EDIL3: variants seen among roughly 807,000 people sequenced by gnomAD.
The protein encoded by EDIL3 is EGF-like repeat and discoidin I-like domain-containing protein 3.
A neutral mutation model predicts 67.4 loss-of-function variants in EDIL3; 37 were observed. That is an observed-to-expected ratio of 0.55 (90% CI 0.42 to 0.72). The LOEUF is 0.72. EDIL3 is among the 30% of genes least tolerant of loss of function. The probability of loss-of-function intolerance (pLI) is 0.00; values close to 1 mark genes in which losing one functional copy is unlikely to be tolerated. For missense variants in EDIL3, 527 were observed against 586.3 expected, an observed-to-expected ratio of 0.90 and a Z score of 1.04; for synonymous variants, 195 against 196.3, an observed-to-expected ratio of 0.99 and a Z score of 0.05.
intron 9 of EDIL3, among the ~76,000 whole-genome samples, chr5:83,966,617 T>G (rs1007715972): frequency 6.6e-6 from 1 of 152,030 alleles, no homozygotes; most frequent in Admixed American, 6.6e-5. Flanking sequence ...TTCAAGGATC[T>G]TGGACATGCT....
chr5:84,211,602 G>A (rs1047384752), intron 3 of EDIL3, among the ~76,000 whole-genome samples: 3 of 152,102 alleles, frequency 2.0e-5, no homozygotes, highest in Admixed American at 6.5e-5. Context: ...AAGCGGAGCA[G>A]GTGATGTGAA....
chr5:84,305,756 G>A (rs1222247558), intron 1 of EDIL3, among the ~76,000 whole-genome samples: 16 of 152,228 alleles, frequency 1.1e-4, no homozygotes, highest in Middle Eastern at 3.4e-3. Flanking sequence ...GCACGTGCCT[G>A]TAATCCCAGC....
At chr5:84,020,990 A>C (rs1745704674) in intron 9 of EDIL3, among the ~76,000 whole-genome samples, 1 of 152,044 alleles carries the variant, frequency 6.6e-6, no homozygotes, top group Admixed American at 6.6e-5. Context: ...AAAATTACAC[A>C]TACTTTTAAA....
chr5:84,069,293 T>C (rs1290644721), intron 6 of EDIL3, among the ~76,000 whole-genome samples: 1 of 152,192 alleles, frequency 6.6e-6, no homozygotes, highest in Non-Finnish European at 1.5e-5. Context: ...AATAGAATGA[T>C]AATCTGAATC....
chr5:84,167,822 T>C (rs890168171), intron 4 of EDIL3, among the ~76,000 whole-genome samples: 1 of 152,148 alleles, frequency 6.6e-6, no homozygotes. Flanking sequence ...TTAAGTCTTT[T>C]CTACATTTAA....
chr5:84,030,179 C>A (rs980859031), intron 9 of EDIL3, among the ~76,000 whole-genome samples: 2 of 152,170 alleles, frequency 1.3e-5, no homozygotes, highest in African/African-American at 4.8e-5. Flanking sequence ...AGTTATGGTA[C>A]AAAGATACTT....
At chr5:84,144,083 G>C (rs1426497073) in intron 4 of EDIL3, among the ~76,000 whole-genome samples, 1 of 152,088 alleles carries the variant, frequency 6.6e-6, no homozygotes, top group Non-Finnish European at 1.5e-5. Context: ...CATGCACTTA[G>C]AGATTGTGAC....
chr5:84,064,701 C>T lies in EDIL3; in HGVS notation c.951G>A (p.Ser317=), dbSNP rs2269287. The T allele has an allele frequency of 0.069, 111,786 of 1,609,866 alleles. 5,679 individuals are homozygous for T. Among genetic ancestry groups the T allele is most frequent in the African/African-American group, 0.24 (17,869 of 74,756 alleles). The change falls in exon 8 of 11, where the codon TCG becomes TCA. Residue 317 remains serine (S), a splice_region_variant and synonymous_variant. Transcript: ENST00000296591. ...LRMELLGCEL[S]GCSEPLGMKS... ...AGAAATAGTTAATTTGAGACTTACCCGACAGTTCACAGCCAAGAAGTTCCA... is the reference window on the plus strand; with the variant it reads ...AGAAATAGTTAATTTGAGACTTACCTGACAGTTCACAGCCAAGAAGTTCCA...
intron 4 of EDIL3, among the ~76,000 whole-genome samples, chr5:84,143,887 A>G (rs1337769578): frequency 6.6e-6 from 1 of 152,084 alleles, no homozygotes; most frequent in Non-Finnish European, 1.5e-5. Context: ...AATATTTGTT[A>G]ATTGGTAAGA....
chr5:83,973,428 A>G (rs570863040), intron 9 of EDIL3, among the ~76,000 whole-genome samples: 1 of 152,238 alleles, frequency 6.6e-6, no homozygotes, highest in East Asian at 1.9e-4. Flanking sequence ...TTAGAAAACA[A>G]TTACATACTT....
intron 1 of EDIL3, among the ~76,000 whole-genome samples, chr5:84,294,229 G>GA (rs1346985587): frequency 2.6e-5 from 4 of 151,376 alleles, no homozygotes; most frequent in Admixed American, 2.6e-4. Flanking sequence ...TAAAAAAATA[G>GA]AAAAAATTAG....
At chr5:84,350,966 T>G (rs114256219) in intron 1 of EDIL3, among the ~76,000 whole-genome samples, 278 of 152,258 alleles carry the variant, frequency 1.8e-3, no homozygotes, top group African/African-American at 6.4e-3. Context: ...ACTGAGTCTT[T>G]GGGATCCAGT....
chr5:84,382,034 T>G (rs1411369197), intron 1 of EDIL3, among the ~76,000 whole-genome samples: 2 of 152,162 alleles, frequency 1.3e-5, no homozygotes, highest in Admixed American at 6.5e-5. Context: ...TGCCGGAAGT[T>G]TAATTGTTTG....
intron 10 of EDIL3, among the ~76,000 whole-genome samples, chr5:83,959,077 A>G (rs1449866298): frequency 4.6e-5 from 7 of 150,930 alleles, no homozygotes; most frequent in Non-Finnish European, 1.0e-4. Flanking sequence ...GGGTATTCAA[A>G]AACTGACATC....
At chr5:83,970,518 C>T (rs1744772974) in intron 9 of EDIL3, among the ~76,000 whole-genome samples, 1 of 148,104 alleles carries the variant, frequency 6.8e-6, no homozygotes, top group South Asian at 2.1e-4. Flanking sequence ...AGATAATTTA[C>T]TTGATTAGAT....
intron 9 of EDIL3, among the ~76,000 whole-genome samples, chr5:84,005,582 T>C (rs1387274243): frequency 6.6e-6 from 1 of 152,132 alleles, no homozygotes; most frequent in Non-Finnish European, 1.5e-5. Context: ...AACCACATGA[T>C]CACCTCAATA....
chr5:84,071,845 G>C (rs1746745381), intron 6 of EDIL3, among the ~76,000 whole-genome samples: 1 of 152,108 alleles, frequency 6.6e-6, no homozygotes, highest in Non-Finnish European at 1.5e-5. Context: ...AATCAAAATA[G>C]TGTGATACCG....
At chr5:84,147,137 A>G (rs1011628607) in intron 4 of EDIL3, among the ~76,000 whole-genome samples, 1 of 151,654 alleles carries the variant, frequency 6.6e-6, no homozygotes, top group Admixed American at 6.6e-5. Context: ...CAAAGAGTTT[A>G]TTTTTGCCTG....
At chr5:84,093,449 C>T (rs10069483) in intron 6 of EDIL3, among the ~76,000 whole-genome samples, 56,010 of 151,798 alleles carry the variant, frequency 0.37, 10,602 homozygotes, top group Non-Finnish European at 0.4. Context: ...AAAGGCAGGG[C>T]TTTCAGGGAT....
Sources: allele counts gnomAD v4.1 joint callset (sites outside exome capture counted in the v4.1 genomes callset), GRCh38; gene constraint gnomAD v4.1.1; transcripts MANE v1.5; gene names NCBI Gene and HGNC (gene_info 2026-07-23, HGNC 2026-07-21).